Variants in GHR observed in about 807,000 individuals in gnomAD.
GHR encodes growth hormone receptor, also known as GH receptor.
Under a neutral mutation model 67.1 loss-of-function variants are expected in GHR, and 35 were observed. The observed-to-expected ratio is 0.52, with a 90% CI of 0.40 to 0.69. The LOEUF (loss-of-function observed/expected upper bound fraction) is 0.69. Ranked by LOEUF, GHR falls within the 30% of genes least tolerant of loss-of-function variation. GHR has a pLI of 0.00. For synonymous variants in GHR, 272 were observed against 269.1 expected (o/e 1.01, Z -0.10); for missense variants, 792 against 764.6 (o/e 1.04, Z -0.42).
At chr5:42,633,383 G>A (rs527945516) in intron 3 of GHR, among the ~76,000 whole-genome samples, 3 of 152,296 alleles carry the variant, frequency 2.0e-5, no homozygotes, top group Non-Finnish European at 4.4e-5. Flanking sequence ...TATCATATTA[G>A]ATAGGCAAGC....
In GHR at chr5:42,649,769, TA is replaced by T. The variant is rs1177119413; in HGVS notation, c.136+20670del. Reference sequence around the variant, plus strand: ...GGAACTAGTTAAAATAATTAAATCTTAAAAGCATGTTCTCCTGGGCATAGAG... The same window carrying T: ...GGAACTAGTTAAAATAATTAAATCTTAAAGCATGTTCTCCTGGGCATAGAG... On this transcript the variant is annotated intron_variant, in intron 3 of 9. Transcript: ENST00000230882. Among the ~76,000 whole-genome samples, 14 of 152,294 alleles carry T rather than the reference TA, an allele frequency of 9.2e-5. No individual in the cohort carries two copies. In the South Asian group the frequency reaches 1.4e-3, roughly 16 times the overall value.
At chr5:42,524,933 C>T (rs867390464) in intron 1 of GHR, among the ~76,000 whole-genome samples, 6 of 152,312 alleles carry the variant, frequency 3.9e-5, no homozygotes, top group East Asian at 3.9e-4. Context: ...TGGGAACCTC[C>T]GCCTAGATTT....
intron 3 of GHR, among the ~76,000 whole-genome samples, chr5:42,662,243 C>T (rs1755679761): frequency 6.6e-6 from 1 of 152,154 alleles, no homozygotes; most frequent in Non-Finnish European, 1.5e-5. Flanking sequence ...CTCAGCTCTG[C>T]ACCAAGCGGA....
rs1241156780 is a variant in GHR, at chr5:42,721,646, T to C, written c.*2222T>C. Reference sequence around the variant, plus strand: ...ACTATTTCACAACAGCCTGACAACATTTCTATAGCCAAAAATAGCTAAATA... The same window carrying C: ...ACTATTTCACAACAGCCTGACAACACTTCTATAGCCAAAAATAGCTAAATA... On this transcript the variant is annotated 3_prime_UTR_variant, in exon 10 of 10. Coordinates refer to ENST00000230882, the MANE Select transcript of GHR (RefSeq NM_000163.5). The C allele has an allele frequency of 2.0e-5, 3 of 152,584 alleles. No homozygotes were observed. The highest frequency in any genetic ancestry group is 4.4e-5 in the Non-Finnish European group (3 of 68,012). The allele number at this position is 152,584 out of a possible 1,614,324, so 9.5% of individuals were successfully genotyped here.
chr5:42,686,593 T>C (rs1363362828), intron 3 of GHR, among the ~76,000 whole-genome samples: 3 of 152,146 alleles, frequency 2.0e-5, no homozygotes, highest in Non-Finnish European at 2.9e-5. Context: ...ATTATCTCAA[T>C]AGATGCAGAA....
intron 3 of GHR, among the ~76,000 whole-genome samples, chr5:42,648,129 A>G (rs10061641): frequency 1.3e-3 from 205 of 152,292 alleles, no homozygotes; most frequent in African/African-American, 4.6e-3. Context: ...CTTAAAAGCC[A>G]TGTACCTCTT....
chr5:42,441,646 A>T (rs2111957121), intron 1 of GHR, among the ~76,000 whole-genome samples: 1 of 152,042 alleles, frequency 6.6e-6, no homozygotes. Flanking sequence ...AGTAGCTGGG[A>T]CTACAGGTGC....
At position 42,650,791 on chromosome 5, in the gene GHR, T is replaced by C. The variant is rs143010167; in HGVS notation, c.136+21688T>C. On this transcript the variant is annotated intron_variant, in intron 3 of 9. Coordinates refer to ENST00000230882, the MANE Select transcript of GHR (RefSeq NM_000163.5). ...AATTGTTGCTGCCCTTTTGGGATCC[T>C]GAACCAGATTCCCCAAATAAGTAGG... Among the ~76,000 whole-genome samples the C allele has an allele frequency of 2.4e-4, 36 of 152,192 alleles. 5 individuals are homozygous for C. Among genetic ancestry groups the C allele is most frequent in the African/African-American group, 8.2e-4 (34 of 41,502 alleles).
intron 1 of GHR, among the ~76,000 whole-genome samples, chr5:42,511,658 C>A (rs571779596): frequency 1.4e-4 from 22 of 151,850 alleles, no homozygotes; most frequent in Admixed American, 2.6e-4. Flanking sequence ...AATTTGTCTT[C>A]CTTTACTTAC....
chr5:42,467,392 TC>T, intron 1 of GHR: 1 of 941,516 alleles, frequency 1.1e-6, no homozygotes, highest in Non-Finnish European at 1.7e-6. Flanking sequence ...AGAGGGCTTC[TC>T]CCCAGTGTGG....
At chr5:42,531,023 C>T (rs149894720) in intron 1 of GHR, among the ~76,000 whole-genome samples, 2,907 of 152,244 alleles carry the variant, frequency 0.019, 159 homozygotes, top group East Asian at 0.13. Context: ...AATCCCAGCA[C>T]TTTGGAGGCC....
At chr5:42,637,077 G>A (rs1021426706) in intron 3 of GHR, among the ~76,000 whole-genome samples, 1 of 152,046 alleles carries the variant, frequency 6.6e-6, no homozygotes, top group African/African-American at 2.4e-5. Flanking sequence ...TTTAAACCAA[G>A]GGTTGGCAAA....
At chr5:42,662,244 AC>A (rs1388914662) in intron 3 of GHR, among the ~76,000 whole-genome samples, 4 of 152,200 alleles carry the variant, frequency 2.6e-5, no homozygotes, top group African/African-American at 9.7e-5. Context: ...TCAGCTCTGC[AC>A]CAAGCGGACT....
chr5:42,617,880 A>G (rs1313418676), intron 2 of GHR, among the ~76,000 whole-genome samples: 1 of 152,158 alleles, frequency 6.6e-6, no homozygotes, highest in East Asian at 1.9e-4. Flanking sequence ...CTTTTAAGGC[A>G]TTGCCTGCCC....
intron 9 of GHR, 89 bp from the exon 10 acceptor site, chr5:42,718,364 C>G: frequency 9.9e-7 from 1 of 1,006,350 alleles, no homozygotes; most frequent in Non-Finnish European, 1.6e-6. Flanking sequence ...CTTATTGTAA[C>G]CATAATTAAT....
chr5:42,579,618 G>C (rs1751050672), intron 2 of GHR, among the ~76,000 whole-genome samples: 2 of 152,194 alleles, frequency 1.3e-5, no homozygotes, highest in Admixed American at 6.5e-5. Flanking sequence ...TCATATTTGA[G>C]TGCTTCTAAC....
chr5:42,552,412 T>A (rs766274167), intron 1 of GHR, among the ~76,000 whole-genome samples: 7 of 152,218 alleles, frequency 4.6e-5, no homozygotes, highest in Non-Finnish European at 7.3e-5. Context: ...TTTTTAAGTT[T>A]CCTGGTTTGA....
At chr5:42,559,353 C>A (rs1749477297) in intron 1 of GHR, among the ~76,000 whole-genome samples, 1 of 152,144 alleles carries the variant, frequency 6.6e-6, no homozygotes, top group East Asian at 1.9e-4. Context: ...CCAGCCTGGG[C>A]AACACACCAA....
chr5:42,612,862 G>A (rs557892635), intron 2 of GHR, among the ~76,000 whole-genome samples: 1 of 152,114 alleles, frequency 6.6e-6, no homozygotes, highest in East Asian at 1.9e-4. Context: ...AGTGTTGTTT[G>A]TAATGGCCCC....
Sources: gnomAD v4.1 joint callset for allele counts (sites outside exome capture counted in the v4.1 genomes callset) on GRCh38, gnomAD v4.1.1 for gene constraint, MANE v1.5 for transcripts, NCBI Gene and HGNC (gene_info 2026-07-23, HGNC 2026-07-21) for gene names.